The following SCAF8 variants were observed in gnomAD, a reference collection of about 807,000 sequenced individuals.
SCAF8 encodes SR-related CTD associated factor 8.
A neutral mutation model predicts 140.5 loss-of-function variants in SCAF8; 23 were observed. The observed-to-expected ratio is 0.16, with a 90% CI of 0.12 to 0.23. The LOEUF (loss-of-function observed/expected upper bound fraction) is 0.23. Among genes scored for constraint, SCAF8 ranks in the 10% least tolerant of loss-of-function variants. The pLI is 1.00. For missense variants in SCAF8, 1,397 were observed against 1,555.7 expected, an observed-to-expected ratio of 0.90 and a Z score of 1.72; for synonymous variants, 575 against 528.9, an observed-to-expected ratio of 1.09 and a Z score of -1.20.
chr6:154,812,431 A>G (rs1778124612), intron 12 of SCAF8, among the ~76,000 whole-genome samples: 1 of 151,940 alleles, frequency 6.6e-6, no homozygotes, highest in Non-Finnish European at 1.5e-5. Flanking sequence ...TGGGAAGAAC[A>G]ACTTATGTGC....
chr6:154,765,330 C>T (rs1490379155), intron 1 of SCAF8, among the ~76,000 whole-genome samples: 1 of 152,080 alleles, frequency 6.6e-6, no homozygotes, highest in East Asian at 1.9e-4. Flanking sequence ...AAATTTTGGA[C>T]AAATTTATTT....
intron 1 of SCAF8, among the ~76,000 whole-genome samples, chr6:154,766,986 G>A (rs533837974): frequency 2.4e-4 from 36 of 152,140 alleles, no homozygotes; most frequent in Non-Finnish European, 4.7e-4. Context: ...GAGATGTCTC[G>A]TTTGGGGACA....
chr6:154,822,692 A>T (rs917695732), intron 16 of SCAF8, among the ~76,000 whole-genome samples: 1 of 152,200 alleles, frequency 6.6e-6, no homozygotes, highest in African/African-American at 2.4e-5. Flanking sequence ...CTGAGGAGTC[A>T]AATTGATAGA....
At position 154,742,914 on chromosome 6, in the gene SCAF8, C is replaced by T. The variant is rs78867712; in HGVS notation, c.30+8984C>T. On this transcript the variant is annotated intron_variant, in intron 1 of 19. Transcript: ENST00000367178. The stretch of plus-strand genomic sequence containing the variant: ...ATTCTTTCATTAATTTGTTCATGCA[C>T]GTAACTAATATTTAATGAACATGTA... Among the ~76,000 whole-genome samples the T allele has an allele frequency of 9.5e-3, 1,449 of 152,074 alleles. 28 individuals carry two copies. Among genetic ancestry groups the T allele is most frequent in the African/African-American group, 0.033 (1,374 of 41,482 alleles).
At chr6:154,787,192 CA>C (rs1180835876) in intron 3 of SCAF8, among the ~76,000 whole-genome samples, 1 of 152,078 alleles carries the variant, frequency 6.6e-6, no homozygotes, top group Admixed American at 6.5e-5. Flanking sequence ...AAGTCTCTTC[CA>C]AAAAAACATA....
intron 1 of SCAF8, chr6:154,742,119 A>G (rs2114793282): frequency 2.7e-6 from 2 of 747,340 alleles, no homozygotes; most frequent in Non-Finnish European, 4.4e-6. Flanking sequence ...GTACTTGGGA[A>G]GCAGAATGAA....
intron 4 of SCAF8, among the ~76,000 whole-genome samples, chr6:154,790,176 T>C (rs1459997874): frequency 6.6e-6 from 1 of 152,104 alleles, no homozygotes; most frequent in Non-Finnish European, 1.5e-5. Context: ...GGAATGATAG[T>C]TGTTAGGTGC....
Position 154,820,349 on chromosome 6 carries a change from T to C in SCAF8, c.1792+16T>C. On this transcript the variant is annotated intron_variant, in intron 15 of 19. Transcript: ENST00000367178. ...GTAAATACTGGTAAGAATTCTAAGG[T>C]CTTTTTATTGTTAAAAAAAAGTATG... The C allele has an allele frequency of 6.3e-7, 1 of 1,590,278 alleles. No individual in the cohort carries two copies. Among genetic ancestry groups the C allele is most frequent in the Non-Finnish European group, 8.5e-7 (1 of 1,170,844 alleles).
intron 12 of SCAF8, among the ~76,000 whole-genome samples, chr6:154,812,913 G>T (rs190468265): frequency 3.3e-5 from 5 of 152,084 alleles, no homozygotes; most frequent in African/African-American, 7.2e-5. Context: ...AGGAAAAAGA[G>T]AATGCCAGGT....
chr6:154,770,344 G>A (rs1374337843), intron 1 of SCAF8, among the ~76,000 whole-genome samples: 5 of 151,326 alleles, frequency 3.3e-5, no homozygotes, highest in Admixed American at 3.3e-4. Flanking sequence ...TGTGCCTGTA[G>A]TGCCAGCTAC....
chr6:154,812,085 A>G (rs1227991688), intron 12 of SCAF8, among the ~76,000 whole-genome samples: 1 of 152,084 alleles, frequency 6.6e-6, no homozygotes, highest in Non-Finnish European at 1.5e-5. Context: ...CAAAAAAGAA[A>G]ATAAAAAGCA....
intron 1 of SCAF8, among the ~76,000 whole-genome samples, chr6:154,759,461 C>T (rs547256619): frequency 3.7e-4 from 57 of 152,076 alleles, no homozygotes; most frequent in Non-Finnish European, 5.7e-4. Context: ...TAATCCTAGA[C>T]AGTTGCCATG....
chr6:154,806,335 G>A (rs745590330), intron 9 of SCAF8, among the ~76,000 whole-genome samples: 4 of 152,114 alleles, frequency 2.6e-5, no homozygotes, highest in Non-Finnish European at 2.9e-5. Flanking sequence ...AAACTGTTCA[G>A]AATAAAAGTA....
intron 6 of SCAF8, among the ~76,000 whole-genome samples, chr6:154,796,353 TTCTCTCTCTCTCTCTCTCTC>T (rs532893908): frequency 1.3e-5 from 1 of 75,198 alleles, no homozygotes; most frequent in East Asian, 1.1e-3. Context: ...TGCAATCCTG[TTCTCTCTCTCTCTCTCTCTC>T]TCTCTCTCTC....
chr6:154,831,443 G>A (rs1778730505), intron 19 of SCAF8, among the ~76,000 whole-genome samples: 1 of 151,818 alleles, frequency 6.6e-6, no homozygotes, highest in Non-Finnish European at 1.5e-5. Context: ...TATACTTATA[G>A]GAAGATAAAA....
chr6:154,793,412 T>A lies in SCAF8; in HGVS notation c.475+436T>A, dbSNP rs529526077. Among the ~76,000 whole-genome samples the A allele has an allele frequency of 2.5e-3, 374 of 152,056 alleles. 3 individuals carry two copies. The highest frequency in any genetic ancestry group is 8.7e-3 in the African/African-American group (360 of 41,570). ...TTTAAATGACTATGATAAAAAATTT[T>A]TATCAAAGTAATTTAAAAATTTTTT... On this transcript the variant is annotated intron_variant, in intron 5 of 19. Coordinates refer to ENST00000367178, the MANE Select transcript of SCAF8 (RefSeq NM_014892.5).
rs1777975992 is a variant in SCAF8, at chr6:154,808,123, A to G, written c.1035A>G (p.Ser345=). The change falls in exon 10 of 20, where the codon TCA becomes TCG. Residue 345 remains serine (S), a synonymous_variant. Transcript: ENST00000367178. ...EGTFGSEHSA[S]PSQGSSQQHF... is the part of the protein sequence containing the mutation. ...CCTTTGGGTCAGAGCATTCAGCGTC[A>G]CCATCACAAGGGAGTAGTCAGCAGC... 6.2e-7 allele frequency: 1 copy of G among 1,614,006 alleles called. No homozygotes were observed. Among genetic ancestry groups the G allele is most frequent in the East Asian group, 2.2e-5 (1 of 44,872 alleles).
chr6:154,744,380 A>G (rs1181720322), intron 1 of SCAF8, among the ~76,000 whole-genome samples: 2 of 152,228 alleles, frequency 1.3e-5, no homozygotes, highest in South Asian at 2.1e-4. Flanking sequence ...TGTACTCACA[A>G]AAATTAAAAA....
intron 5 of SCAF8, 47 bp downstream of exon 5, chr6:154,793,023 C>CT: frequency 1.4e-6 from 2 of 1,442,320 alleles, no homozygotes; most frequent in African/African-American, 2.9e-5. Context: ...TCTACTCATA[C>CT]TTTTTGGATG....
Sources: allele counts gnomAD v4.1 joint callset (sites outside exome capture counted in the v4.1 genomes callset), GRCh38; gene constraint gnomAD v4.1.1; transcripts MANE v1.5; gene names NCBI Gene and HGNC (gene_info 2026-07-23, HGNC 2026-07-21).